The following DGLUCY variants were observed in gnomAD, a reference collection of about 807,000 sequenced individuals.
The protein encoded by DGLUCY is D-glutamate cyclase, mitochondrial.
A neutral mutation model predicts 58.5 loss-of-function variants in DGLUCY; 58 were observed. The ratio of observed to expected loss-of-function variants is 0.99; its 90% CI spans 0.80 to 1.23. The LOEUF (loss-of-function observed/expected upper bound fraction) is 1.23. DGLUCY is among the 50% of genes most tolerant of loss of function. DGLUCY has a pLI of 0.00. For synonymous variants in DGLUCY, 325 were observed against 314.1 expected (o/e 1.03, Z -0.37); for missense variants, 779 against 784.7 (o/e 0.99, Z 0.09).
intron 10 of DGLUCY, among the ~76,000 whole-genome samples, chr14:91,196,744 TAAAAAAAAAAAAA>T (rs146566022): frequency 1.1e-5 from 1 of 94,870 alleles, no homozygotes; most frequent in African/African-American, 4.1e-5. Flanking sequence ...GACATAGCAC[TAAAAAAAAAAAAA>T]AAAAAAAAAA....
intron 10 of DGLUCY, 54 bp downstream of exon 10, chr14:91,196,528 T>G (rs2050224473): frequency 4.1e-6 from 6 of 1,451,224 alleles, no homozygotes; most frequent in Non-Finnish European, 4.8e-6. Context: ...GCCCATATGC[T>G]CTTCACTTAG....
chr14:91,210,656 C>T (rs1885536213), intron 12 of DGLUCY, among the ~76,000 whole-genome samples: 1 of 152,224 alleles, frequency 6.6e-6, no homozygotes, highest in African/African-American at 2.4e-5. Context: ...AAGCATTTGA[C>T]AAAAGCAACA....
intron 1 of DGLUCY, among the ~76,000 whole-genome samples, chr14:91,073,380 G>A (rs937822150): frequency 1.3e-5 from 2 of 152,162 alleles, no homozygotes; most frequent in Middle Eastern, 3.2e-3. Flanking sequence ...GGCAGAGGTT[G>A]GAGTGAGCCA....
At chr14:91,190,793 C>T (rs1019332868) in intron 9 of DGLUCY, among the ~76,000 whole-genome samples, 3 of 152,000 alleles carry the variant, frequency 2.0e-5, no homozygotes, top group Non-Finnish European at 4.4e-5. Flanking sequence ...GGCAGCTGGG[C>T]TTTTGTTCTG....
chr14:91,182,429 C>T (rs573180122), intron 8 of DGLUCY, among the ~76,000 whole-genome samples: 85 of 152,116 alleles, frequency 5.6e-4, no homozygotes, highest in Middle Eastern at 3.4e-3. Flanking sequence ...AGGCAACTGC[C>T]ACCATTAAAA....
upstream of DGLUCY, among the ~76,000 whole-genome samples, chr14:91,103,065 C>G (rs1337530995): frequency 2.0e-5 from 3 of 151,840 alleles, no homozygotes; most frequent in East Asian, 1.9e-4. Flanking sequence ...CCCGGCACCC[C>G]CTCCGTTCTT....
At chr14:91,182,594 G>A (rs1162779604) in intron 8 of DGLUCY, among the ~76,000 whole-genome samples, 1 of 152,186 alleles carries the variant, frequency 6.6e-6, no homozygotes, top group African/African-American at 2.4e-5. Context: ...CACCTAGCCT[G>A]TCCTCTATGG....
At chr14:91,111,428 G>A (rs1238830945), upstream of DGLUCY, among the ~76,000 whole-genome samples, 6 of 151,850 alleles carry the variant, frequency 4.0e-5, no homozygotes, top group African/African-American at 9.7e-5. Flanking sequence ...GATTACAAGC[G>A]CACACTACCA....
rs556392226 is a variant in DGLUCY, at chr14:91,221,878, C to G, written c.1717-2806C>G. On this transcript the variant is annotated intron_variant, in intron 13 of 13. Transcript: ENST00000256324. Reference sequence around the variant, plus strand: ...TAAGACACAAAACAGTTCCAACTTCCCAGAAGGCACCCCACTTTGAGCGGC... The same window carrying G: ...TAAGACACAAAACAGTTCCAACTTCGCAGAAGGCACCCCACTTTGAGCGGC... Among the ~76,000 whole-genome samples the G allele has an allele frequency of 3.9e-5, 6 of 152,238 alleles. 1 individual carries two copies. In the South Asian group the frequency reaches 1.2e-3, roughly 32 times the overall value.
At chr14:91,094,506 A>G (rs1204780272) in intron 1 of DGLUCY, among the ~76,000 whole-genome samples, 1 of 151,532 alleles carries the variant, frequency 6.6e-6, no homozygotes, top group Non-Finnish European at 1.5e-5. Context: ...TGCAGACAGA[A>G]GCTGGGAGCC....
At chr14:91,132,069 A>C (rs1271225268) in intron 1 of DGLUCY, among the ~76,000 whole-genome samples, 2 of 152,214 alleles carry the variant, frequency 1.3e-5, no homozygotes, top group Non-Finnish European at 2.9e-5. Context: ...TTGGGATTTC[A>C]GGCGTGCGCC....
chr14:91,094,769 G>T, intron 1 of DGLUCY, among the ~76,000 whole-genome samples: 1 of 151,436 alleles, frequency 6.6e-6, no homozygotes, highest in East Asian at 1.9e-4. Context: ...GTTGCAGTGA[G>T]CCAAGATCTC....
upstream of DGLUCY, among the ~76,000 whole-genome samples, chr14:91,113,811 G>C (rs1411327407): frequency 6.6e-6 from 1 of 152,202 alleles, no homozygotes; most frequent in Non-Finnish European, 1.5e-5. Flanking sequence ...CTGCACATTG[G>C]AATCACTTGA....
At chr14:91,149,648 G>T (rs1356133558) in intron 1 of DGLUCY, among the ~76,000 whole-genome samples, 3 of 152,254 alleles carry the variant, frequency 2.0e-5, no homozygotes, top group Non-Finnish European at 4.4e-5. Context: ...AATTTGGCCT[G>T]ATGGACCCGT....
intron 1 of DGLUCY, among the ~76,000 whole-genome samples, chr14:91,118,957 C>T (rs2045175112): frequency 6.6e-6 from 1 of 151,908 alleles, no homozygotes; most frequent in African/African-American, 2.4e-5. Flanking sequence ...AAAAAGTCTA[C>T]CTAAAAAGTT....
intron 1 of DGLUCY, among the ~76,000 whole-genome samples, chr14:91,156,858 C>T (rs12883296): frequency 2.0e-5 from 3 of 152,214 alleles, no homozygotes; most frequent in Non-Finnish European, 4.4e-5. Context: ...GATAGAAAGT[C>T]TGAGAAGTTC....
chr14:91,102,494 C>T (rs186659729), intron 1 of DGLUCY, among the ~76,000 whole-genome samples: 201 of 152,184 alleles, frequency 1.3e-3, no homozygotes, highest in African/African-American at 4.4e-3. Context: ...CCTCCGGCCC[C>T]GGGACTGTCG....
intron 1 of DGLUCY, among the ~76,000 whole-genome samples, chr14:91,118,058 G>T (rs1247057547): frequency 7.1e-6 from 1 of 141,776 alleles, no homozygotes; most frequent in South Asian, 2.4e-4. Context: ...AGAGAGAATG[G>T]ATGGTAAATT....
chr14:91,099,861 G>A (rs1425368703), intron 1 of DGLUCY, among the ~76,000 whole-genome samples: 2 of 151,916 alleles, frequency 1.3e-5, no homozygotes, highest in East Asian at 1.9e-4. Flanking sequence ...CCTCACCTTC[G>A]ACATCCTCAC....
Sources: gnomAD v4.1 joint callset for allele counts (sites outside exome capture counted in the v4.1 genomes callset) on GRCh38, gnomAD v4.1.1 for gene constraint, MANE v1.5 for transcripts, NCBI Gene and HGNC (gene_info 2026-07-23, HGNC 2026-07-21) for gene names.